ESPL1: variants seen among roughly 807,000 people sequenced by gnomAD.
ESPL1 encodes separin.
ESPL1 carries 50 observed loss-of-function variants against 217.2 expected under a neutral mutation model. The ratio of observed to expected loss-of-function variants is 0.23; its 90% CI spans 0.18 to 0.29. The LOEUF (loss-of-function observed/expected upper bound fraction) is 0.29, where lower values mean the gene tolerates loss of function less well. ESPL1 is among the 10% of genes least tolerant of loss of function. The probability of loss-of-function intolerance (pLI) is 1.00; values close to 1 mark genes in which losing one functional copy is unlikely to be tolerated. For synonymous variants in ESPL1, 994 were observed against 1,081.3 expected (o/e 0.92, Z 1.58); for missense variants, 1,834 against 2,603.0 (o/e 0.70, Z 6.43).
Position 53,292,501 on chromosome 12 carries a change from A to G in ESPL1, c.5913-73A>G, listed in dbSNP as rs1944080432. ...GTTGCAGCCCACCTTCTATCTAATG[A>G]TCCCTCTGCTGTCTTTGCCACCTGA... On this transcript the variant is annotated intron_variant, in intron 28 of 30. Transcript: ENST00000257934. The surrounding 1 kb of genome is among the most constrained non-coding windows in gnomAD (Gnocchi z 4.5). 1 of 1,413,606 alleles carries G rather than the reference A, an allele frequency of 7.1e-7. No homozygotes were observed. 87.6% of individuals were successfully genotyped at this position (1,413,606 alleles called of 1,614,324 possible).
At chr12:53,285,882 A>G in intron 17 of ESPL1, 42 bp from the exon 18 acceptor site, 2 of 1,503,336 alleles carry the variant, frequency 1.3e-6, no homozygotes, top group Non-Finnish European at 1.8e-6. Context: ...GCTTGATGCC[A>G]TTTCTCCCCG....
chr12:53,286,004 T>A lies in ESPL1; in HGVS notation c.3268T>A (p.Cys1090Ser). 1 of 1,599,752 alleles carries A rather than the reference T, an allele frequency of 6.3e-7. No homozygotes were observed. Among genetic ancestry groups the A allele is most frequent in the Non-Finnish European group, 8.6e-7 (1 of 1,168,352 alleles). ...GGGGAAGCAGCAGGCCCAGGTCCCCTGTCCTCCACAGCTCCCAGAGGAGGA... is the reference window on the plus strand; with the variant it reads ...GGGGAAGCAGCAGGCCCAGGTCCCCAGTCCTCCACAGCTCCCAGAGGAGGA... Reference protein sequence around the residue: ...QKGKQQAQVPCPPQLPEEELF... With the variant: ...QKGKQQAQVPSPPQLPEEELF... Residue 1090 changes from cysteine (C) to serine (S), a missense_variant, in exon 18 of 31, where the codon TGT becomes AGT. Physicochemically the swap from Cys to Ser is moderately radical, Grantham distance 112 (BLOSUM62 -1). This residue lies in a region of ESPL1 where 681 missense variants were observed against 808.0 expected (regional missense o/e 0.84). Coordinates refer to ENST00000257934, the MANE Select transcript of ESPL1 (RefSeq NM_012291.5). The surrounding 1 kb of genome is among the most constrained non-coding windows in gnomAD (Gnocchi z 5.3).
chr12:53,290,744 C>A, intron 24 of ESPL1, 97 bp from the exon 25 acceptor site: 1 of 136,724 alleles, frequency 7.3e-6, no homozygotes, highest in Non-Finnish European at 9.6e-6. Context: ...CAGACATGCA[C>A]ATTGGAAAAC....
Position 53,289,086 on chromosome 12 carries a change from C to A in ESPL1, c.4709-4C>A, listed in dbSNP as rs1409267699. 6.2e-7 allele frequency: 1 copy of A among 1,610,370 alleles called. No homozygotes were observed. Among genetic ancestry groups the A allele is most frequent in the African/African-American group, 1.3e-5 (1 of 74,868 alleles). Reference sequence around the variant, plus strand: ...CTGTACCAAGTGTCCTGACGTTCTTCTAGGTCTTTCTACCCTGGACTCCAT... The same window carrying A: ...CTGTACCAAGTGTCCTGACGTTCTTATAGGTCTTTCTACCCTGGACTCCAT... On this transcript the variant is annotated splice_polypyrimidine_tract_variant and splice_region_variant and intron_variant, in intron 20 of 30. Coordinates refer to ENST00000257934, the MANE Select transcript of ESPL1 (RefSeq NM_012291.5).
chr12:53,286,137 A>G lies in ESPL1; in HGVS notation c.3401A>G (p.Gln1134Arg). 6.2e-7 allele frequency: 1 copy of G among 1,614,190 alleles called. No individual in the cohort carries two copies. Among genetic ancestry groups the G allele is most frequent in the Non-Finnish European group, 8.5e-7 (1 of 1,180,020 alleles). ...TCCCCAGTCTTGAAAACCAAGCCCCAGCCCATACCCAACTTCCTGTCCCAT... is the reference window on the plus strand; with the variant it reads ...TCCCCAGTCTTGAAAACCAAGCCCCGGCCCATACCCAACTTCCTGTCCCAT... ...NSSPVLKTKPQPIPNFLSHSP... is the reference protein window; with the variant it reads ...NSSPVLKTKPRPIPNFLSHSP... The change falls in exon 18 of 31, where the codon CAG (glutamine) becomes CGG (arginine). Residue 1134 changes from glutamine (Q) to arginine (R), a missense_variant. This residue lies in a region of ESPL1 where 681 missense variants were observed against 808.0 expected (regional missense o/e 0.84). Coordinates refer to ENST00000257934, the MANE Select transcript of ESPL1 (RefSeq NM_012291.5). The surrounding 1 kb of genome is among the most constrained non-coding windows in gnomAD (Gnocchi z 5.3).
chr12:53,272,512 G>A (rs1002174176), intron 5 of ESPL1, among the ~76,000 whole-genome samples: 1 of 152,162 alleles, frequency 6.6e-6, no homozygotes, highest in Non-Finnish European at 1.5e-5. Flanking sequence ...TAAAATGAGT[G>A]CAGATGGGCT....
At chr12:53,284,987 G>A (rs1429154743) in intron 17 of ESPL1, among the ~76,000 whole-genome samples, 1 of 138,710 alleles carries the variant, frequency 7.2e-6, no homozygotes, top group East Asian at 2.2e-4. Context: ...CTCCAGCCCG[G>A]GTGACAGTGC....
rs1192766828 is a variant in ESPL1, at chr12:53,288,151, T to C, written c.4356T>C (p.Asn1452=). 6.2e-7 allele frequency: 1 copy of C among 1,613,324 alleles called. No homozygotes were observed. Among genetic ancestry groups the C allele is most frequent in the East Asian group, 2.2e-5 (1 of 44,866 alleles). The change falls in exon 19 of 31, where the codon AAT becomes AAC. Residue 1452 remains asparagine (N), a synonymous_variant. Transcript: ENST00000257934. ...GTGCCCCTGGGAACCCTGGCCTGAATGGCAGGAGCCGGAGGGCCAAGAAGG... is the reference window on the plus strand; with the variant it reads ...GTGCCCCTGGGAACCCTGGCCTGAACGGCAGGAGCCGGAGGGCCAAGAAGG... ...PGSAPGNPGL[N]GRSRRAKKVA...
At chr12:53,283,063 C>T (rs1232262360) in intron 14 of ESPL1, 66 bp from the exon 15 acceptor site, 15 of 1,605,800 alleles carry the variant, frequency 9.3e-6, no homozygotes, top group Non-Finnish European at 1.0e-5. Context: ...GGCTTTGCTG[C>T]CTTAGTAGCT....
intron 12 of ESPL1, 120 bp from the exon 13 acceptor site, chr12:53,281,387 C>T: frequency 1.0e-6 from 1 of 952,576 alleles, no homozygotes; most frequent in East Asian, 2.7e-5. Flanking sequence ...GATCCGCCCA[C>T]CTTGGCCTCC....
At chr12:53,275,927 G>C (rs552201096) in intron 7 of ESPL1, among the ~76,000 whole-genome samples, 8 of 152,176 alleles carry the variant, frequency 5.3e-5, no homozygotes, top group African/African-American at 1.7e-4. Flanking sequence ...AACTTGAGGT[G>C]GGTTATTTAG....
rs931601873 is a variant in ESPL1, at chr12:53,293,024, C to T, written c.6161+54C>T. The T allele has an allele frequency of 6.6e-7, 1 of 1,523,152 alleles. No individual in the cohort carries two copies. Among genetic ancestry groups the T allele is most frequent in the African/African-American group, 1.4e-5 (1 of 72,972 alleles). 94.4% of individuals were successfully genotyped at this position (1,523,152 alleles called of 1,614,324 possible). A position where few individuals can be genotyped will look rare whatever the true frequency, so the allele number is the denominator to read the frequency against. ...AGGGCATTAGGACTCCTGCCCTCAC[C>T]CCAGGTTCTTTCCCAGGTCTGAATC... On this transcript the variant is annotated intron_variant, in intron 30 of 30. Transcript: ENST00000257934. This position sits in a 1 kb window ranked among gnomAD's most constrained non-coding sequence, Gnocchi z 4.2.
chr12:53,290,888 G>T lies in ESPL1; in HGVS notation c.5412G>T (p.Gly1804=). 1 of 1,608,572 alleles carries T rather than the reference G, an allele frequency of 6.2e-7. No individual in the cohort carries two copies. Among genetic ancestry groups the T allele is most frequent in the Non-Finnish European group, 8.5e-7 (1 of 1,177,856 alleles). ...LEKSVLGCWK[G]LLLPSSEEPG... is the part of the protein sequence containing the mutation. ...AGTCTGTGCTGGGCTGCTGGAAGGG[G>T]CTGCTGCTGCCGTCCAGTGAGGAGC... Residue 1804 remains glycine (G), a synonymous_variant, in exon 25 of 31, where the codon GGG becomes GGT. Coordinates refer to ENST00000257934, the MANE Select transcript of ESPL1 (RefSeq NM_012291.5).
chr12:53,284,242 G>A (rs1183297961), intron 17 of ESPL1, 75 bp downstream of exon 17: 1 of 935,338 alleles, frequency 1.1e-6, no homozygotes, highest in Non-Finnish European at 1.7e-6. Context: ...CTATGTAAAG[G>A]TTTCGTTGCC....
rs1943917575 is a variant in ESPL1 at position 53,284,754 on chromosome 12, CTGT to C, written c.3187+588_3187+590del. Among the ~76,000 whole-genome samples, 3 of 151,106 alleles carry C rather than the reference CTGT, an allele frequency of 2.0e-5. No homozygotes were observed. The South Asian group carries it at 6.3e-4, about 32-fold the overall frequency. On this transcript the variant is annotated intron_variant, in intron 17 of 30. Coordinates refer to ENST00000257934, the MANE Select transcript of ESPL1 (RefSeq NM_012291.5). ...TAGGGCCGGGCTCGGTGGCTCATGC[CTGT>C]AATCCTAGCACTTTGGGAGGCTGAG...
Position 53,293,047 on chromosome 12 carries a change from A to T in ESPL1, c.6161+77A>T. Reference sequence around the variant, plus strand: ...ACCCCAGGTTCTTTCCCAGGTCTGAATCTTGCCTCTCTTGTGCCCCATTTT... The same window carrying T: ...ACCCCAGGTTCTTTCCCAGGTCTGATTCTTGCCTCTCTTGTGCCCCATTTT... On this transcript the variant is annotated intron_variant, in intron 30 of 30. Coordinates refer to ENST00000257934, the MANE Select transcript of ESPL1 (RefSeq NM_012291.5). The surrounding 1 kb of genome is among the most constrained non-coding windows in gnomAD (Gnocchi z 4.2). 1 of 1,420,988 alleles carries T rather than the reference A, an allele frequency of 7.0e-7. No homozygotes were observed. The allele number at this position is 1,420,988 out of a possible 1,614,324, so 88.0% of individuals were successfully genotyped here.
Position 53,286,715 on chromosome 12 carries a change from C to T in ESPL1, c.3979C>T (p.Pro1327Ser), listed in dbSNP as rs1232038919. The T allele has an allele frequency of 6.2e-7, 1 of 1,614,138 alleles. No homozygotes were observed. The highest frequency in any genetic ancestry group is 1.1e-5 in the South Asian group (1 of 91,078). ...GRGRQKLASA[P>S]LRLNNTSQKG... ...AGGGCGCCAAAAGTTAGCCTCTGCT[C>T]CCCTGCGCCTCAATAATACCTCTCA... Residue 1327 changes from proline (P) to serine (S), a missense_variant, in exon 18 of 31, where the codon CCC becomes TCC. Around this residue, in one of 5 missense-constraint regions of ESPL1, gnomAD observed 681 missense variants for 808.0 expected, o/e 0.84. Coordinates refer to ENST00000257934, the MANE Select transcript of ESPL1 (RefSeq NM_012291.5). The surrounding 1 kb of genome is among the most constrained non-coding windows in gnomAD (Gnocchi z 5.3).
Position 53,284,490 on chromosome 12 carries a change from A to G in ESPL1, c.3187+323A>G, listed in dbSNP as rs192563839. ...AGGCTGGTCTCGAACTCCTGACCTC[A>G]GGTGATCCACCCGCCTCGGCCTCCT... On this transcript the variant is annotated intron_variant, in intron 17 of 30. Coordinates refer to ENST00000257934, the MANE Select transcript of ESPL1 (RefSeq NM_012291.5). 6.0e-3 allele frequency among the ~76,000 whole-genome samples: 906 copies of G among 151,518 alleles called. 5 individuals carry two copies. The highest frequency in any genetic ancestry group is 0.017 in the African/African-American group (703 of 41,342).
At chr12:53,287,007 G>A (rs932180945) in intron 18 of ESPL1, 95 bp downstream of exon 18, 2 of 1,193,828 alleles carry the variant, frequency 1.7e-6, no homozygotes, top group Non-Finnish European at 2.3e-6. Flanking sequence ...CTGTGGAATA[G>A]CTCCCCAGGG....
Sources: gnomAD v4.1 joint callset for allele counts (sites outside exome capture counted in the v4.1 genomes callset) on GRCh38, gnomAD v4.1.1 for gene constraint, gnomAD v4.1.1 regional missense constraint, Gnocchi (gnomAD v3.1) non-coding constraint, MANE v1.5 for transcripts, NCBI Gene and HGNC (gene_info 2026-07-23, HGNC 2026-07-21) for gene names.